FRK: variants seen among roughly 807,000 people sequenced by gnomAD.
The protein encoded by FRK is tyrosine-protein kinase FRK.
FRK carries 51 observed loss-of-function variants against 56.4 expected under a neutral mutation model. The ratio of observed to expected loss-of-function variants is 0.90; its 90% confidence interval spans 0.72 to 1.14. The LOEUF is 1.14. Ranked by LOEUF, FRK falls within the 50% of genes most tolerant of loss-of-function variation. FRK has a pLI of 0.00. For missense variants in FRK, 570 were observed against 601.4 expected (o/e 0.95, Z 0.55); for synonymous variants, 245 against 217.9 (o/e 1.12, Z -1.10).
At chr6:115,998,763 G>A (rs558633883) in intron 2 of FRK, among the ~76,000 whole-genome samples, 4 of 152,280 alleles carry the variant, frequency 2.6e-5, no homozygotes, top group African/African-American at 7.2e-5. Flanking sequence ...ACTGAATGCC[G>A]TTGAAGAAAT....
At chr6:116,098,736 G>A in the FRK span, among the ~76,000 whole-genome samples, 1 of 152,220 alleles carries the variant, frequency 6.6e-6, no homozygotes, top group Non-Finnish European at 1.5e-5. Flanking sequence ...TGTGATAAAA[G>A]TTTAATGTGC....
chr6:115,975,847 A>G (rs1412487910), intron 2 of FRK, among the ~76,000 whole-genome samples: 1 of 152,182 alleles, frequency 6.6e-6, no homozygotes, highest in African/African-American at 2.4e-5. Flanking sequence ...TGATGAATCT[A>G]GCAGAACATG....
the FRK span, among the ~76,000 whole-genome samples, chr6:116,081,555 G>T: frequency 1.3e-5 from 2 of 152,226 alleles, 1 homozygote; most frequent in East Asian, 3.9e-4. Flanking sequence ...CTACTCAGGA[G>T]GCTGAGGCAG....
At chr6:116,041,636 C>A (rs989007885) in intron 1 of FRK, among the ~76,000 whole-genome samples, 1 of 152,144 alleles carries the variant, frequency 6.6e-6, no homozygotes, top group Non-Finnish European at 1.5e-5. Context: ...ACCCAGGAAG[C>A]TCAAGGGGTC....
At chr6:116,028,524 C>T (rs1776183493) in intron 1 of FRK, among the ~76,000 whole-genome samples, 1 of 152,126 alleles carries the variant, frequency 6.6e-6, no homozygotes, top group African/African-American at 2.4e-5. Context: ...CATGTTAGCT[C>T]CTTCTGCGGT....
chr6:115,959,089 TA>T (rs1399837916), intron 4 of FRK, among the ~76,000 whole-genome samples: 1 of 152,208 alleles, frequency 6.6e-6, no homozygotes, highest in Non-Finnish European at 1.5e-5. Flanking sequence ...TCAACTCAGC[TA>T]GTAATGTAAC....
chr6:115,943,515 A>C (rs1364023375), intron 6 of FRK, among the ~76,000 whole-genome samples: 1 of 151,264 alleles, frequency 6.6e-6, no homozygotes, highest in Non-Finnish European at 1.5e-5. Flanking sequence ...AAAAGGAAGC[A>C]AAGTCTATTG....
the FRK span, among the ~76,000 whole-genome samples, chr6:116,070,564 C>T: frequency 6.6e-6 from 1 of 152,014 alleles, no homozygotes; most frequent in Admixed American, 6.6e-5. Context: ...TATGATGCAG[C>T]TTTTGCAAAA....
In FRK at chr6:115,993,967, G is replaced by C. The variant is rs567188448; in HGVS notation, c.466+9910C>G. Among the ~76,000 whole-genome samples, 17 of 151,984 alleles carry C rather than the reference G, an allele frequency of 1.1e-4. No homozygotes were observed. In the South Asian group the frequency reaches 3.5e-3, roughly 32 times the overall value. On this transcript the variant is annotated intron_variant, in intron 2 of 7. Transcript: ENST00000606080. ...CAAATGATTTCAAAATTTATCTACT[G>C]TTCCTTTCAGTGAATTATGTCTCAA... is the stretch of plus-strand genomic sequence containing the variant.
At position 115,939,276 on chromosome 6, in the gene FRK, T is replaced by C. The variant is rs1772110143; in HGVS notation, c.*3138A>G. The C allele has an allele frequency of 6.6e-6, 1 of 152,056 alleles. No homozygotes were observed. Among genetic ancestry groups the C allele is most frequent in the Non-Finnish European group, 1.5e-5 (1 of 68,002 alleles). 9.4% of individuals were successfully genotyped at this position (152,056 alleles called of 1,614,324 possible). ...AATAGATGCAGAAAATTTGATAAAA[T>C]TCAACACCCCTTCATACTAAAAACT... is the stretch of plus-strand genomic sequence containing the variant. On this transcript the variant is annotated 3_prime_UTR_variant, in exon 8 of 8. Coordinates refer to ENST00000606080, the MANE Select transcript of FRK (RefSeq NM_002031.3).
chr6:115,957,280 A>G (rs1042389400), intron 4 of FRK, among the ~76,000 whole-genome samples: 2 of 152,236 alleles, frequency 1.3e-5, no homozygotes, highest in East Asian at 3.8e-4. Flanking sequence ...AGGCCTATTT[A>G]GAAGACTTGT....
At chr6:116,096,561 C>G in the FRK span, among the ~76,000 whole-genome samples, 1 of 152,148 alleles carries the variant, frequency 6.6e-6, no homozygotes, top group South Asian at 2.1e-4. Flanking sequence ...TGTAAATGTG[C>G]CAATCAGCAC....
rs372710176 is a variant in FRK at position 116,004,996 on chromosome 6, G to GA, written c.345-999dup. On this transcript the variant is annotated intron_variant, in intron 1 of 7. Transcript: ENST00000606080. Reference sequence around the variant, plus strand: ...TTAAGGGAAGAAATACAGGCTGGGAGAAAAAAAAAAATGTGTGCTATCAAA... The same window carrying GA: ...TTAAGGGAAGAAATACAGGCTGGGAGAAAAAAAAAAAATGTGTGCTATCAAA... Among the ~76,000 whole-genome samples the GA allele has an allele frequency of 4.1e-3, 587 of 144,748 alleles. 2 individuals are homozygous for GA. The highest frequency in any genetic ancestry group is 0.011 in the African/African-American group (431 of 39,800). The allele number at this position is 144,748 out of a possible 152,430, so 95.0% of individuals were successfully genotyped here.
At chr6:116,095,191 C>T in the FRK span, among the ~76,000 whole-genome samples, 2 of 152,206 alleles carry the variant, frequency 1.3e-5, no homozygotes, top group Non-Finnish European at 2.9e-5. Context: ...GAACTCCCTT[C>T]AAGACAGGAC....
chr6:115,947,771 A>C (rs2114525697), intron 5 of FRK, among the ~76,000 whole-genome samples: 1 of 152,328 alleles, frequency 6.6e-6, no homozygotes, highest in East Asian at 1.9e-4. Context: ...TCAGTCTAAA[A>C]CAAGATGTAA....
At chr6:116,041,324 C>A (rs1776701958) in intron 1 of FRK, among the ~76,000 whole-genome samples, 1 of 152,122 alleles carries the variant, frequency 6.6e-6, no homozygotes, top group Admixed American at 6.5e-5. Context: ...TACTCTATAA[C>A]CACTGTATAC....
At chr6:116,061,509 G>A (rs1265144274), upstream of FRK, among the ~76,000 whole-genome samples, 1 of 151,972 alleles carries the variant, frequency 6.6e-6, no homozygotes, top group Non-Finnish European at 1.5e-5. Context: ...ACTGCTGTGG[G>A]GGCTCTTTCT....
intron 1 of FRK, among the ~76,000 whole-genome samples, chr6:116,048,204 G>C (rs1349876106): frequency 6.6e-6 from 1 of 152,186 alleles, no homozygotes; most frequent in East Asian, 1.9e-4. Flanking sequence ...CTTGACTTTT[G>C]TGTTTCTAAA....
chr6:116,045,946 G>GA (rs754949911), intron 1 of FRK, among the ~76,000 whole-genome samples: 5 of 151,904 alleles, frequency 3.3e-5, no homozygotes, highest in South Asian at 2.1e-4. Flanking sequence ...AAATTTACAA[G>GA]AAAAAAACAA....
Sources: gnomAD v4.1 joint callset for allele counts (sites outside exome capture counted in the v4.1 genomes callset) on GRCh38, gnomAD v4.1.1 for gene constraint, MANE v1.5 for transcripts, NCBI Gene and HGNC (gene_info 2026-07-23, HGNC 2026-07-21) for gene names.